IQSEC2: variants seen among roughly 807,000 people sequenced by gnomAD.
IQSEC2 encodes the protein IQ motif and Sec7 domain ArfGEF 2, also known as IQ motif and SEC7 domain-containing protein 2.
In IQSEC2, 6 loss-of-function variants were observed where a neutral mutation model predicts 74.6. The observed-to-expected ratio is 0.08, with a 90% CI of 0.04 to 0.16. IQSEC2 has a LOEUF of 0.16. Among genes scored for constraint, IQSEC2 ranks in the 10% least tolerant of loss-of-function variants. IQSEC2 has a pLI of 1.00. For synonymous variants in IQSEC2, 494 were observed against 544.5 expected (o/e 0.91, Z 1.29); for missense variants, 734 against 1,306.2 (o/e 0.56, Z 6.75).
intron 2 of IQSEC2, chrX:53,281,463 G>A (rs200622856): frequency 1.1e-6 from 1 of 873,060 alleles, no homozygotes; most frequent in Admixed American, 2.7e-5. Context: ...GGCAGGAAGG[G>A]AGGGGGCCAG....
chrX:53,294,128 C>T (rs2075128067), intron 1 of IQSEC2, among the ~76,000 whole-genome samples: 1 of 112,095 alleles, frequency 8.9e-6, no homozygotes, highest in South Asian at 3.7e-4. Flanking sequence ...ACAGACCTTT[C>T]CTCTCCAGTG....
intron 2 of IQSEC2, among the ~76,000 whole-genome samples, chrX:53,283,746 C>T (rs1181903066): frequency 3.6e-5 from 4 of 111,909 alleles, no homozygotes; most frequent in Non-Finnish European, 7.5e-5. Flanking sequence ...TGCATTTATT[C>T]GACAGATACT....
intron 1 of IQSEC2, 149 bp downstream of exon 1, chrX:53,320,268 G>C (rs1242191903): frequency 1.9e-6 from 1 of 529,546 alleles, no homozygotes; most frequent in Non-Finnish European, 3.1e-6. Flanking sequence ...AAGGGGTGTC[G>C]GCTGGATGAG....
At chrX:53,316,694 G>A (rs1431089733) in intron 1 of IQSEC2, among the ~76,000 whole-genome samples, 1 of 110,754 alleles carries the variant, frequency 9.0e-6, no homozygotes, top group Admixed American at 9.6e-5. Context: ...AGAAGGGCCA[G>A]CCTGGTGTTC....
At chrX:53,318,159 C>A (rs1436939623) in intron 1 of IQSEC2, among the ~76,000 whole-genome samples, 2 of 111,891 alleles carry the variant, frequency 1.8e-5, no homozygotes, top group African/African-American at 3.3e-5. Context: ...GAGTGAGGTC[C>A]CTTCATCTTG....
chrX:53,259,220 T>C (rs1260293504), intron 2 of IQSEC2, among the ~76,000 whole-genome samples: 1 of 96,427 alleles, frequency 1.0e-5, no homozygotes, highest in Non-Finnish European at 2.0e-5. Flanking sequence ...AAAGTACAAA[T>C]CTAGCTGGGC....
chrX:53,256,139 C>T, intron 2 of IQSEC2, 78 bp from the exon 3 acceptor site: 1 of 961,027 alleles, frequency 1.0e-6, no homozygotes. Flanking sequence ...AGTGGGTGAG[C>T]CAGATCCCTG....
chrX:53,308,150 C>T (rs1395116005), intron 1 of IQSEC2, among the ~76,000 whole-genome samples: 1 of 68,383 alleles, frequency 1.5e-5, no homozygotes, highest in East Asian at 5.0e-4. Context: ...GGCGACAGAG[C>T]GAGACTCCAT....
intron 8 of IQSEC2, among the ~76,000 whole-genome samples, chrX:53,244,974 T>C (rs887915036): frequency 6.4e-5 from 7 of 109,983 alleles, no homozygotes; most frequent in Non-Finnish European, 9.5e-5. Flanking sequence ...CACACACACA[T>C]ATATTGAGAG....
At chrX:53,279,416 C>G (rs781919825) in intron 2 of IQSEC2, 1 of 434,417 alleles carries the variant, frequency 2.3e-6, no homozygotes, top group Non-Finnish European at 4.0e-6. Flanking sequence ...GGTCTGCTGA[C>G]CTGATCTTCC....
intron 2 of IQSEC2, among the ~76,000 whole-genome samples, chrX:53,273,266 G>T (rs1330373961): frequency 1.8e-5 from 2 of 110,356 alleles, no homozygotes; most frequent in Admixed American, 9.8e-5. Context: ...TCCCAGATGG[G>T]GTTAATTGCC....
chrX:53,281,561 C>A (rs1460005428), intron 2 of IQSEC2: 1 of 1,145,708 alleles, frequency 8.7e-7, no homozygotes. Flanking sequence ...CCTGGCCTAG[C>A]CGGTGTCTCC....
Position 53,250,972 on chromosome X carries a change from G to T in IQSEC2, c.1604C>A (p.Thr535Lys). Residue 535 changes from threonine (T) to lysine (K), a missense_variant, in exon 5 of 15, where the codon ACA (threonine) becomes AAA (lysine). Thr to Lys is a moderately conservative substitution (Grantham distance 78). Around this residue, in one of 12 missense-constraint regions of IQSEC2, gnomAD observed 204 missense variants for 305.4 expected, o/e 0.67. Transcript: ENST00000642864. ...PQQSPERLPS[T>K]EPPPQGRPEF... ...GGGCCGGCCCTGGGGTGGGGGTTCT[G>T]TGCTGGGCAGTCGCTCAGGGGATTG... is the stretch of plus-strand genomic sequence containing the variant. 8.3e-7 allele frequency: 1 copy of T among 1,212,111 alleles called. No homozygotes were observed.
At chrX:53,242,787 G>A (rs782046399) in intron 9 of IQSEC2, among the ~76,000 whole-genome samples, 2 of 111,151 alleles carry the variant, frequency 1.8e-5, no homozygotes, top group African/African-American at 3.3e-5. Context: ...CCAGGCTGGA[G>A]TGCGTTGGCA....
chrX:53,307,295 C>CTTTT (rs60909741), intron 1 of IQSEC2, among the ~76,000 whole-genome samples: 610 of 55,802 alleles, frequency 0.011, no homozygotes, highest in African/African-American at 0.017. Flanking sequence ...TTCTTTCTTT[C>CTTTT]TTTTTTTTTT....
At chrX:53,253,934 A>C (rs1303051994) in intron 4 of IQSEC2, among the ~76,000 whole-genome samples, 1 of 112,332 alleles carries the variant, frequency 8.9e-6, no homozygotes, top group East Asian at 2.8e-4. Flanking sequence ...AGTTCCAAGT[A>C]GTGAGAACTT....
intron 2 of IQSEC2, among the ~76,000 whole-genome samples, chrX:53,257,371 G>A (rs146416032): frequency 3.6e-5 from 4 of 112,538 alleles, no homozygotes; most frequent in Non-Finnish European, 7.5e-5. Flanking sequence ...GCCCGGTCCC[G>A]GGCTGCAGCG....
intron 2 of IQSEC2, among the ~76,000 whole-genome samples, chrX:53,256,850 G>A (rs1556865385): frequency 8.9e-6 from 1 of 112,502 alleles, no homozygotes; most frequent in Non-Finnish European, 1.9e-5. Flanking sequence ...GGGGGAAGGG[G>A]GCAGGGGAGT....
chrX:53,237,584 C>T (rs1169993121), intron 12 of IQSEC2: 14 of 127,750 alleles, frequency 1.1e-4, no homozygotes, highest in African/African-American at 4.1e-4. Flanking sequence ...ATCAAAATGA[C>T]TTGGTGTGGC....
Sources: allele counts gnomAD v4.1 joint callset (sites outside exome capture counted in the v4.1 genomes callset), GRCh38; gene constraint gnomAD v4.1.1; regional missense constraint gnomAD v4.1.1; transcripts MANE v1.5; gene names NCBI Gene and HGNC (gene_info 2026-07-23, HGNC 2026-07-21).